The following GDPD4 variants were observed in gnomAD, a reference collection of about 807,000 sequenced individuals.
GDPD4 encodes glycerophosphodiester phosphodiesterase 6.
GDPD4 carries 60 observed loss-of-function variants against 67.8 expected under a neutral mutation model. The observed-to-expected ratio is 0.88, with a 90% confidence interval of 0.72 to 1.10. The LOEUF is 1.10. Among genes scored for constraint, GDPD4 ranks in the 50% least tolerant of loss-of-function variants. The probability of loss-of-function intolerance (pLI) is 0.00; values close to 1 mark genes in which losing one functional copy is unlikely to be tolerated. For missense variants in GDPD4, 623 were observed against 613.9 expected, an observed-to-expected ratio of 1.01 and a Z score of -0.16; for synonymous variants, 212 against 210.9, an observed-to-expected ratio of 1.00 and a Z score of -0.04.
intron 1 of GDPD4, among the ~76,000 whole-genome samples, chr11:77,291,656 TAAA>T (rs1937780142): frequency 6.6e-6 from 1 of 152,252 alleles, no homozygotes; most frequent in Non-Finnish European, 1.5e-5. Context: ...TATGTACTGA[TAAA>T]AATTTTTAGA....
At position 77,218,781 on chromosome 11, in the gene GDPD4, G is replaced by A. The variant is rs193139441; in HGVS notation, c.1526-1467C>T. On this transcript the variant is annotated intron_variant, in intron 16 of 16. Coordinates refer to ENST00000315938, the MANE Select transcript of GDPD4 (RefSeq NM_182833.3). ...ATATGTGCTACATTTTCTTAATCCA[G>A]TCTATCACTGATGGACATTTGGGTT... Among the ~76,000 whole-genome samples the A allele has an allele frequency of 3.2e-3, 489 of 152,190 alleles. 6 individuals carry two copies. In the East Asian group the frequency reaches 0.05, roughly 15 times the overall value.
rs112751043 is a variant in GDPD4, at chr11:77,254,227, A to G, written c.864+4159T>C. 3.4e-3 allele frequency among the ~76,000 whole-genome samples: 518 copies of G among 152,260 alleles called. 1 individual carries two copies. Among genetic ancestry groups the G allele is most frequent in the African/African-American group, 0.012 (482 of 41,534 alleles). Reference sequence around the variant, plus strand: ...CCTGTGAGGACTGCAGGGGACCCCAATAGGGGTCCAAGCTGTTGCTGGGGG... The same window carrying G: ...CCTGTGAGGACTGCAGGGGACCCCAGTAGGGGTCCAAGCTGTTGCTGGGGG... On this transcript the variant is annotated intron_variant, in intron 11 of 16. Coordinates refer to ENST00000315938, the MANE Select transcript of GDPD4 (RefSeq NM_182833.3).
In GDPD4 at chr11:77,225,300, C is replaced by CAAAAAAAA. The variant is rs34996619; in HGVS notation, c.1525+2556_1525+2563dup. ...TGGGCAACAGAGCAAGACTCTGTCT[C>CAAAAAAAA]AAAAAAAAAAAAAAAGTCTCAGTAA... On this transcript the variant is annotated intron_variant, in intron 16 of 16. Coordinates refer to ENST00000315938, the MANE Select transcript of GDPD4 (RefSeq NM_182833.3). Among the ~76,000 whole-genome samples, 238 of 120,546 alleles carry CAAAAAAAA rather than the reference C, an allele frequency of 2.0e-3. 1 individual carries two copies. Among genetic ancestry groups the CAAAAAAAA allele is most frequent in the African/African-American group, 6.9e-3 (213 of 30,956 alleles). The allele number at this position is 120,546 out of a possible 152,430, so 79.1% of individuals were successfully genotyped here.
At chr11:77,290,695 G>T (rs1352641839) in intron 1 of GDPD4, among the ~76,000 whole-genome samples, 1 of 152,000 alleles carries the variant, frequency 6.6e-6, no homozygotes, top group Non-Finnish European at 1.5e-5. Context: ...GCACCTCAAG[G>T]AACTGGAAAA....
chr11:77,279,540 T>TTTTTTTTTTTTTTTTTTTTTTGAGAC (rs1555124920), intron 3 of GDPD4, 141 bp from the exon 4 acceptor site: 1 of 520,158 alleles, frequency 1.9e-6, no homozygotes, highest in African/African-American at 1.9e-5. Flanking sequence ...CAGCAGCTTT[T>TTTTTTTTTTTTTTTTTTTTTTGAGAC]GCGGATAATT....
Position 77,258,551 on chromosome 11 carries a change from G to C in GDPD4, c.708-9C>G, listed in dbSNP as rs1237366460. ...AAGGCACATGATCATAACTGAGGCA[G>C]AGGTAGAAAAGAAGGGCAGGGGTAG... On this transcript the variant is annotated splice_polypyrimidine_tract_variant and intron_variant, in intron 10 of 16. Coordinates refer to ENST00000315938, the MANE Select transcript of GDPD4 (RefSeq NM_182833.3). 6.2e-7 allele frequency: 1 copy of C among 1,613,558 alleles called. No homozygotes were observed. The highest frequency in any genetic ancestry group is 8.5e-7 in the Non-Finnish European group (1 of 1,179,552).
At chr11:77,248,368 C>A (rs765273696) in intron 11 of GDPD4, among the ~76,000 whole-genome samples, 70 of 151,366 alleles carry the variant, frequency 4.6e-4, no homozygotes, top group Non-Finnish European at 8.9e-4. Flanking sequence ...ACGCCCAGCT[C>A]ATTGTTGTAT....
chr11:77,269,858 T>G (rs763624126), intron 8 of GDPD4, 25 bp downstream of exon 8: 2 of 1,364,296 alleles, frequency 1.5e-6, no homozygotes, highest in South Asian at 2.5e-5. Context: ...TTAGTGACTT[T>G]CAAATCTCAG....
Position 77,216,806 on chromosome 11 carries a change from GGAA to G in GDPD4, c.*468_*470del. 1.6e-6 allele frequency: 1 copy of G among 611,254 alleles called. No individual in the cohort carries two copies. Among genetic ancestry groups the G allele is most frequent in the Non-Finnish European group, 2.9e-6 (1 of 344,240 alleles). The allele number at this position is 611,254 out of a possible 1,614,324, so 37.9% of individuals were successfully genotyped here. A position where few individuals can be genotyped will look rare whatever the true frequency, so the allele number is the denominator to read the frequency against. On this transcript the variant is annotated 3_prime_UTR_variant, in exon 17 of 17. Transcript: ENST00000315938. ...CCATCACCACCCTTAGGCAGAGAGAGGAAGAAGCAGGGGAGATGTGGCTAATTC... is the reference window on the plus strand; with the variant it reads ...CCATCACCACCCTTAGGCAGAGAGAGGAAGCAGGGGAGATGTGGCTAATTC...
At chr11:77,294,993 G>A (rs911378434) in intron 1 of GDPD4, among the ~76,000 whole-genome samples, 1 of 111,282 alleles carries the variant, frequency 9.0e-6, no homozygotes, top group Non-Finnish European at 1.7e-5. Flanking sequence ...TTGAGACAGA[G>A]TCTCCCTCTG....
chr11:77,260,321 TC>T lies in GDPD4; in HGVS notation c.708-1780del, dbSNP rs1565528658. On this transcript the variant is annotated intron_variant, in intron 10 of 16. Coordinates refer to ENST00000315938, the MANE Select transcript of GDPD4 (RefSeq NM_182833.3). ...AACTCCATCTCAGAAAAAAAAATGG[TC>T]GGGGGAGGGGGGGGAATAATTTAGA... is the stretch of plus-strand genomic sequence containing the variant. Among the ~76,000 whole-genome samples, 96 of 101,172 alleles carry T rather than the reference TC, an allele frequency of 9.5e-4. 1 individual carries two copies. Among genetic ancestry groups the T allele is most frequent in the African/African-American group, 6.2e-3 (92 of 14,866 alleles). The allele number at this position is 101,172 out of a possible 152,430, so 66.4% of individuals were successfully genotyped here.
chr11:77,225,291 A>ACT (rs1336605781), intron 16 of GDPD4, among the ~76,000 whole-genome samples: 1 of 145,202 alleles, frequency 6.9e-6, no homozygotes, highest in Non-Finnish European at 1.5e-5. Flanking sequence ...ACAGAGCAAG[A>ACT]CTCTGTCTCA....
At chr11:77,266,322 C>T (rs996111415) in intron 10 of GDPD4, among the ~76,000 whole-genome samples, 2 of 151,950 alleles carry the variant, frequency 1.3e-5, no homozygotes, top group Non-Finnish European at 2.9e-5. Flanking sequence ...ACTTCGTAGC[C>T]GTAATATTGT....
At chr11:77,245,708 T>C (rs1025870705) in intron 11 of GDPD4, among the ~76,000 whole-genome samples, 1 of 152,204 alleles carries the variant, frequency 6.6e-6, no homozygotes, top group African/African-American at 2.4e-5. Context: ...GTCTCTTCTA[T>C]ATCCTACAAC....
At chr11:77,232,038 A>C (rs542390946) in intron 14 of GDPD4, among the ~76,000 whole-genome samples, 3 of 152,288 alleles carry the variant, frequency 2.0e-5, no homozygotes, top group East Asian at 3.9e-4. Context: ...AACAGGTCAG[A>C]AGCTCAGGCC....
At chr11:77,218,631 C>A (rs1180121787) in intron 16 of GDPD4, among the ~76,000 whole-genome samples, 1 of 152,170 alleles carries the variant, frequency 6.6e-6, no homozygotes, top group Non-Finnish European at 1.5e-5. Context: ...TGAGTGAGAA[C>A]ATGCGGTGTT....
intron 3 of GDPD4, among the ~76,000 whole-genome samples, chr11:77,281,220 A>G (rs1343286935): frequency 6.6e-6 from 1 of 152,182 alleles, no homozygotes; most frequent in Non-Finnish European, 1.5e-5. Context: ...GAAACCTTCA[A>G]GGACCCCTTC....
intron 10 of GDPD4, among the ~76,000 whole-genome samples, chr11:77,266,180 G>A (rs1446139274): frequency 2.0e-5 from 3 of 152,114 alleles, no homozygotes; most frequent in Non-Finnish European, 4.4e-5. Flanking sequence ...AAATGCCCAG[G>A]AGTACAATTT....
At chr11:77,282,137 G>A (rs369654661) in intron 3 of GDPD4, among the ~76,000 whole-genome samples, 1 of 152,084 alleles carries the variant, frequency 6.6e-6, no homozygotes, top group African/African-American at 2.4e-5. Context: ...ATAAGTATAT[G>A]AAGTTAAGGT....
Sources: gnomAD v4.1 joint callset for allele counts (sites outside exome capture counted in the v4.1 genomes callset) on GRCh38, gnomAD v4.1.1 for gene constraint, MANE v1.5 for transcripts, NCBI Gene and HGNC (gene_info 2026-07-23, HGNC 2026-07-21) for gene names.